ZSCAN5A: variants seen among roughly 807,000 people sequenced by gnomAD.
ZSCAN5A encodes zinc finger and SCAN domain-containing protein 5A.
ZSCAN5A carries 12 observed loss-of-function variants against 23.7 expected under a neutral mutation model. That is an observed-to-expected ratio of 0.51 (90% CI 0.32 to 0.82). The LOEUF is 0.82. Among genes scored for constraint, ZSCAN5A ranks in the 40% least tolerant of loss-of-function variants. The probability of loss-of-function intolerance (pLI) is 0.03; values close to 1 mark genes in which losing one functional copy is unlikely to be tolerated. For synonymous variants in ZSCAN5A, 257 were observed against 239.9 expected, an observed-to-expected ratio of 1.07 and a Z score of -0.66; for missense variants, 597 against 617.9, an observed-to-expected ratio of 0.97 and a Z score of 0.36.
chr19:56,337,834 C>T lies in ZSCAN5A; in HGVS notation c.-357-21566G>A, dbSNP rs145495760. 3.2e-4 allele frequency among the ~76,000 whole-genome samples: 49 copies of T among 152,290 alleles called. 1 individual carries two copies. In the East Asian group the frequency reaches 3.5e-3, roughly 11 times the overall value. On this transcript the variant is annotated intron_variant, in intron 2 of 6. Coordinates refer to the ZSCAN5A transcript ENST00000587340. ...AAGTTTATCTAGTTCTGTGTGTGTG[C>T]GTGTGCAGGTACATGTTGCTTTACA...
At chr19:56,321,961 A>T in intron 2 of ZSCAN5A, 1 of 780,482 alleles carries the variant, frequency 1.3e-6, no homozygotes, top group Admixed American at 1.7e-5. Context: ...ATCTCACACC[A>T]CCATGGATCA....
At chr19:56,324,203 A>G (rs763473829) in intron 2 of ZSCAN5A, among the ~76,000 whole-genome samples, 11 of 152,306 alleles carry the variant, frequency 7.2e-5, no homozygotes, top group Admixed American at 2.0e-4. Context: ...TAGCTCCCAC[A>G]TATGAGTGAG....
upstream of ZSCAN5A, among the ~76,000 whole-genome samples, chr19:56,319,615 GT>G (rs1360718011): frequency 2.6e-5 from 4 of 151,786 alleles, no homozygotes; most frequent in Non-Finnish European, 5.9e-5. Context: ...AGGACCGTGT[GT>G]TTTAGCATTT....
intron 2 of ZSCAN5A, among the ~76,000 whole-genome samples, chr19:56,258,325 A>C (rs1254900592): frequency 6.6e-6 from 1 of 151,884 alleles, no homozygotes; most frequent in Non-Finnish European, 1.5e-5. Flanking sequence ...TCGTGTGGGC[A>C]CAAGGGACAC....
At chr19:56,226,186 G>T (rs1449703782) in intron 2 of ZSCAN5A, among the ~76,000 whole-genome samples, 1 of 152,150 alleles carries the variant, frequency 6.6e-6, no homozygotes, top group Non-Finnish European at 1.5e-5. Flanking sequence ...CTTGGGAAAA[G>T]TCACTGGTAG....
chr19:56,296,438 G>C (rs1389659284), intron 2 of ZSCAN5A: 1 of 151,982 alleles, frequency 6.6e-6, no homozygotes, highest in South Asian at 2.1e-4. Flanking sequence ...TCTATGGTGG[G>C]GGGTCCCTTA....
chr19:56,279,530 T>C (rs1366017387), intron 2 of ZSCAN5A, among the ~76,000 whole-genome samples: 1 of 152,220 alleles, frequency 6.6e-6, no homozygotes, highest in Non-Finnish European at 1.5e-5. Context: ...GAATTTAAAA[T>C]ACGTCATGCA....
chr19:56,364,307 T>C (rs1269920016), intron 1 of ZSCAN5A, among the ~76,000 whole-genome samples: 1 of 152,256 alleles, frequency 6.6e-6, no homozygotes, highest in African/African-American at 2.4e-5. Context: ...CTTATGTTGT[T>C]ACTCAAGAAA....
chr19:56,286,172 C>T (rs2039105321), intron 2 of ZSCAN5A, among the ~76,000 whole-genome samples: 2 of 152,006 alleles, frequency 1.3e-5, no homozygotes, highest in Admixed American at 6.5e-5. Flanking sequence ...CAGGCGCCCA[C>T]CACCATGCTC....
chr19:56,364,023 T>C (rs186192197), intron 1 of ZSCAN5A, among the ~76,000 whole-genome samples: 4 of 152,280 alleles, frequency 2.6e-5, no homozygotes, highest in African/African-American at 9.6e-5. Context: ...CAAGAGCTGA[T>C]AGCAAAGACA....
intron 2 of ZSCAN5A, among the ~76,000 whole-genome samples, chr19:56,330,133 C>T (rs2041476230): frequency 6.6e-6 from 1 of 152,180 alleles, no homozygotes; most frequent in African/African-American, 2.4e-5. Flanking sequence ...TGGTTTCTAC[C>T]TGCATCGATG....
chr19:56,258,136 G>C (rs2036851157), intron 2 of ZSCAN5A, among the ~76,000 whole-genome samples: 1 of 152,240 alleles, frequency 6.6e-6, no homozygotes, highest in African/African-American at 2.4e-5. Context: ...CAGGTGCTGG[G>C]GGATTCTGCA....
Position 56,326,189 on chromosome 19 carries a change from G to A in ZSCAN5A, c.-357-9921C>T, listed in dbSNP as rs191432819. Among the ~76,000 whole-genome samples, 235 of 151,720 alleles carry A rather than the reference G, an allele frequency of 1.5e-3. 2 individuals are homozygous for A. The East Asian group carries it at 0.032, about 21-fold the overall frequency. The stretch of plus-strand genomic sequence containing the variant: ...CCTGACCTCGTGATCGGCCCGCCTC[G>A]GCCTCCCAAAATGCTGGGATTACAG... On this transcript the variant is annotated intron_variant, in intron 2 of 6. Coordinates refer to the ZSCAN5A transcript ENST00000587340.
intron 2 of ZSCAN5A, among the ~76,000 whole-genome samples, chr19:56,291,903 T>C (rs28399816): frequency 0.056 from 8,577 of 152,290 alleles, 775 homozygotes; most frequent in African/African-American, 0.19. Context: ...AAGAGCTTTC[T>C]AGGTGCCAGG....
chr19:56,318,274 T>C (rs2147419044), upstream of ZSCAN5A, among the ~76,000 whole-genome samples: 1 of 152,336 alleles, frequency 6.6e-6, no homozygotes, highest in East Asian at 1.9e-4. Flanking sequence ...GATTCATGCT[T>C]CCGGTTCTTA....
At chr19:56,229,491 T>A (rs1158247583) in intron 2 of ZSCAN5A, among the ~76,000 whole-genome samples, 1 of 152,216 alleles carries the variant, frequency 6.6e-6, no homozygotes, top group African/African-American at 2.4e-5. Flanking sequence ...CACTGAGGTG[T>A]TGACTCTAAC....
At chr19:56,292,221 T>C (rs16987170) in intron 2 of ZSCAN5A, among the ~76,000 whole-genome samples, 24,347 of 152,200 alleles carry the variant, frequency 0.16, 1,968 homozygotes, top group Middle Eastern at 0.34. Flanking sequence ...GTGGGTAACA[T>C]ACATCTTTTA....
At chr19:56,284,153 T>C (rs2038927520) in intron 2 of ZSCAN5A, 1 of 985,466 alleles carries the variant, frequency 1.0e-6, no homozygotes. Flanking sequence ...ACCACGCATG[T>C]AACCTTGGCC....
intron 2 of ZSCAN5A, among the ~76,000 whole-genome samples, chr19:56,362,923 G>A (rs958507053): frequency 1.3e-5 from 2 of 151,370 alleles, no homozygotes; most frequent in Non-Finnish European, 2.9e-5. Flanking sequence ...ATGTATACGG[G>A]AACTGCCTGT....
Sources: gnomAD v4.1 joint callset for allele counts (sites outside exome capture counted in the v4.1 genomes callset) on GRCh38, gnomAD v4.1.1 for gene constraint, MANE v1.5 for transcripts, NCBI Gene and HGNC (gene_info 2026-07-23, HGNC 2026-07-21) for gene names.